TBL1XR1: variants seen among roughly 807,000 people sequenced by gnomAD.
The protein encoded by TBL1XR1 is TBL1X/Y related 1.
A neutral mutation model predicts 66.9 loss-of-function variants in TBL1XR1; 5 were observed. That is an observed-to-expected ratio of 0.07 (90% confidence interval 0.04 to 0.16). The LOEUF (loss-of-function observed/expected upper bound fraction) is 0.16. Among genes scored for constraint, TBL1XR1 ranks in the 10% least tolerant of loss-of-function variants. The pLI is 1.00. For missense variants in TBL1XR1, 238 were observed against 623.2 expected (o/e 0.38, Z 6.58); for synonymous variants, 210 against 206.0 (o/e 1.02, Z -0.17).
chr3:177,065,691 CTCA>C (rs1212583037), intron 2 of TBL1XR1, among the ~76,000 whole-genome samples: 4 of 152,154 alleles, frequency 2.6e-5, no homozygotes, highest in Non-Finnish European at 5.9e-5. Context: ...CTTATTTGTC[CTCA>C]TGTCACAGAA....
At chr3:177,135,326 T>TGTGTGA in intron 1 of TBL1XR1, among the ~76,000 whole-genome samples, 1 of 97,532 alleles carries the variant, frequency 1.0e-5, no homozygotes, top group Admixed American at 1.2e-4. Flanking sequence ...TGTGTGTGTG[T>TGTGTGA]GTGTGTGTAT....
intron 1 of TBL1XR1, among the ~76,000 whole-genome samples, chr3:177,181,477 C>CT (rs1294460648): frequency 2.5e-4 from 22 of 89,096 alleles, no homozygotes; most frequent in Non-Finnish European, 4.2e-4. Context: ...CAGACTCCGT[C>CT]TTAAAAAAAA....
chr3:177,190,197 AC>A (rs1409882782), intron 1 of TBL1XR1, among the ~76,000 whole-genome samples: 1 of 151,018 alleles, frequency 6.6e-6, no homozygotes, highest in Non-Finnish European at 1.5e-5. Flanking sequence ...ATACCTAACT[AC>A]CTGACACATA....
intron 1 of TBL1XR1, among the ~76,000 whole-genome samples, chr3:177,178,616 G>A (rs557881113): frequency 6.6e-6 from 1 of 152,170 alleles, no homozygotes; most frequent in East Asian, 1.9e-4. Context: ...GGATGCCCAG[G>A]CAGGCGGATC....
At position 177,173,445 on chromosome 3, in the gene TBL1XR1, C is replaced by T. The variant is rs377477469; in HGVS notation, c.-122+23676G>A. On this transcript the variant is annotated intron_variant, in intron 1 of 15. Coordinates refer to ENST00000457928, the MANE Select transcript of TBL1XR1 (RefSeq NM_024665.7). ...TAACATCACCAAGATTAAAATATAC[C>T]AATAAGTGTCCCCTGTTTGATATGA... Among the ~76,000 whole-genome samples, 5 of 152,050 alleles carry T rather than the reference C, an allele frequency of 3.3e-5. No individual in the cohort carries two copies. The East Asian group carries it at 9.6e-4, about 29-fold the overall frequency.
intron 10 of TBL1XR1, chr3:177,044,750 A>G (rs1477994488): frequency 6.6e-6 from 1 of 152,218 alleles, no homozygotes; most frequent in Non-Finnish European, 1.5e-5. Flanking sequence ...TCGTAAAAAT[A>G]CTTTGATACT....
At chr3:177,085,676 T>C (rs1262947346) in intron 2 of TBL1XR1, among the ~76,000 whole-genome samples, 1 of 152,200 alleles carries the variant, frequency 6.6e-6, no homozygotes, top group Non-Finnish European at 1.5e-5. Context: ...GCAAACACTA[T>C]GATCTTCCTG....
rs561711713 is a variant in TBL1XR1 at position 177,146,420 on chromosome 3, G to A, written c.-121-47879C>T. ...TCCTGCCTCAGGCTCCCGAGTAGCT[G>A]GGACTACAGGCATCCGTCACCATGC... On this transcript the variant is annotated intron_variant, in intron 1 of 15. Coordinates refer to ENST00000457928, the MANE Select transcript of TBL1XR1 (RefSeq NM_024665.7). Among the ~76,000 whole-genome samples the A allele has an allele frequency of 4.0e-5, 6 of 151,458 alleles. No homozygotes were observed. The East Asian group carries it at 9.8e-4, about 25-fold the overall frequency.
At chr3:177,167,100 G>A (rs886286775) in intron 1 of TBL1XR1, among the ~76,000 whole-genome samples, 25 of 152,226 alleles carry the variant, frequency 1.6e-4, no homozygotes, top group East Asian at 1.9e-4. Flanking sequence ...TAATGGAGAC[G>A]CCCTTCAGTA....
intron 1 of TBL1XR1, among the ~76,000 whole-genome samples, chr3:177,110,641 C>T (rs1250837983): frequency 6.6e-6 from 1 of 152,052 alleles, no homozygotes; most frequent in East Asian, 1.9e-4. Flanking sequence ...TGTAAATGCA[C>T]AGGAATAAAT....
At chr3:177,047,591 C>A (rs369050450) in intron 7 of TBL1XR1, 42 bp from the exon 8 acceptor site, 1 of 1,557,728 alleles carries the variant, frequency 6.4e-7, no homozygotes, top group Non-Finnish European at 8.8e-7. Context: ...AATCTAGATA[C>A]GGTATTTAAT....
At chr3:177,088,547 A>G (rs139347004) in intron 2 of TBL1XR1, among the ~76,000 whole-genome samples, 6 of 152,276 alleles carry the variant, frequency 3.9e-5, no homozygotes, top group Middle Eastern at 3.4e-3. Flanking sequence ...TGTAAAGATT[A>G]AATCCATGTA....
intron 9 of TBL1XR1, among the ~76,000 whole-genome samples, chr3:177,046,652 C>T (rs759493908): frequency 7.9e-5 from 12 of 152,242 alleles, no homozygotes; most frequent in South Asian, 2.1e-4. Context: ...TGTCTAGTGG[C>T]GGTGACTATT....
intron 1 of TBL1XR1, among the ~76,000 whole-genome samples, chr3:177,120,007 A>T (rs1364068698): frequency 1.3e-5 from 2 of 152,218 alleles, no homozygotes; most frequent in Non-Finnish European, 2.9e-5. Flanking sequence ...ATACTCCAGC[A>T]GGTGTCTCAC....
rs1553852678 is a variant in TBL1XR1, at chr3:177,135,307, C to CTGTCTGTGTG, written c.-121-36767_-121-36766insCACACAGACA. ...GTGAGCCACCGCACAAGGCCGCACTCTGTGTGTGTGTGTGTGTGTGTGTGT... is the reference window on the plus strand; with the variant it reads ...GTGAGCCACCGCACAAGGCCGCACTCTGTCTGTGTGTGTGTGTGTGTGTGTGTGTGTGTGT... On this transcript the variant is annotated intron_variant, in intron 1 of 15. Coordinates refer to ENST00000457928, the MANE Select transcript of TBL1XR1 (RefSeq NM_024665.7). 3.7e-3 allele frequency among the ~76,000 whole-genome samples: 267 copies of CTGTCTGTGTG among 72,574 alleles called. 18 individuals are homozygous for CTGTCTGTGTG. Among genetic ancestry groups the CTGTCTGTGTG allele is most frequent in the Admixed American group, 6.9e-3 (42 of 6,090 alleles). 47.6% of individuals were successfully genotyped at this position (72,574 alleles called of 152,430 possible). A position where few individuals can be genotyped will look rare whatever the true frequency, so the allele number is the denominator to read the frequency against.
intron 1 of TBL1XR1, among the ~76,000 whole-genome samples, chr3:177,155,103 T>C (rs143281268): frequency 1.8e-3 from 281 of 152,204 alleles, no homozygotes; most frequent in African/African-American, 6.4e-3. Flanking sequence ...AATAGTAAAA[T>C]GCAGCTAAAG....
chr3:177,077,216 A>G (rs1207183619), intron 2 of TBL1XR1, among the ~76,000 whole-genome samples: 1 of 152,262 alleles, frequency 6.6e-6, no homozygotes, highest in East Asian at 1.9e-4. Flanking sequence ...TCTAAGAACT[A>G]AAAAGAACCA....
chr3:177,047,592 G>A (rs373373838), intron 7 of TBL1XR1, 43 bp from the exon 8 acceptor site: 18 of 1,552,000 alleles, frequency 1.2e-5, no homozygotes, highest in Middle Eastern at 4.0e-4. Flanking sequence ...ATCTAGATAC[G>A]GTATTTAATT....
intron 1 of TBL1XR1, among the ~76,000 whole-genome samples, chr3:177,190,311 C>A (rs1246983922): frequency 6.6e-6 from 1 of 152,050 alleles, no homozygotes; most frequent in Non-Finnish European, 1.5e-5. Flanking sequence ...GCAAAACCAT[C>A]CATTTTCTTT....
Sources: allele counts gnomAD v4.1 joint callset (sites outside exome capture counted in the v4.1 genomes callset), GRCh38; gene constraint gnomAD v4.1.1; transcripts MANE v1.5; gene names NCBI Gene and HGNC (gene_info 2026-07-23, HGNC 2026-07-21).